BRINP2: variants seen among roughly 807,000 people sequenced by gnomAD.
The protein encoded by BRINP2 is BMP/retinoic acid-inducible neural-specific protein 2.
A neutral mutation model predicts 69.2 loss-of-function variants in BRINP2; 21 were observed. The ratio of observed to expected loss-of-function variants is 0.30; its 90% CI spans 0.22 to 0.44. The LOEUF is 0.44. Among genes scored for constraint, BRINP2 ranks in the 20% least tolerant of loss-of-function variants. BRINP2 has a pLI of 1.00. For synonymous variants in BRINP2, 380 were observed against 394.1 expected (o/e 0.96, Z 0.42); for missense variants, 877 against 986.0 (o/e 0.89, Z 1.48).
intron 1 of BRINP2, among the ~76,000 whole-genome samples, chr1:177,226,373 A>G (rs1280992514): frequency 6.6e-6 from 1 of 152,186 alleles, no homozygotes; most frequent in African/African-American, 2.4e-5. Context: ...GATGTGACTC[A>G]GCTGAGTTAG....
chr1:177,278,772 C>T lies in BRINP2; in HGVS notation c.1222C>T (p.Leu408=). ...KRCHRQPRFR[L]PKERSLSYWW... is the part of the protein sequence containing the mutation. ...CTGCCATCGCCAGCCTCGCTTCCGC[C>T]TGCCCAAGGAGAGGTGAGCACCCCC... Residue 408 remains leucine, a synonymous_variant, in exon 7 of 8, where the codon CTG becomes TTG. Coordinates refer to ENST00000361539, the MANE Select transcript of BRINP2 (RefSeq NM_021165.4). 1 of 1,614,034 alleles carries T rather than the reference C, an allele frequency of 6.2e-7. No individual in the cohort carries two copies. The highest frequency in any genetic ancestry group is 8.5e-7 in the Non-Finnish European group (1 of 1,180,036).
chr1:177,198,689 C>T (rs1648815064), intron 1 of BRINP2, among the ~76,000 whole-genome samples: 1 of 152,184 alleles, frequency 6.6e-6, no homozygotes, highest in African/African-American at 2.4e-5. Flanking sequence ...TTCTTCATCC[C>T]TCATTGTATT....
intron 2 of BRINP2, among the ~76,000 whole-genome samples, chr1:177,245,710 T>C (rs942647225): frequency 1.3e-5 from 2 of 152,174 alleles, no homozygotes; most frequent in Non-Finnish European, 2.9e-5. Context: ...CTTCAAATCC[T>C]TCTGGTCACA....
intron 2 of BRINP2, among the ~76,000 whole-genome samples, chr1:177,241,930 C>A (rs1338492101): frequency 6.6e-6 from 1 of 152,178 alleles, no homozygotes; most frequent in Non-Finnish European, 1.5e-5. Flanking sequence ...GGTTTCTCAT[C>A]CAAGTTCAAA....
chr1:177,227,095 T>C (rs949464176), intron 1 of BRINP2, among the ~76,000 whole-genome samples: 3 of 152,170 alleles, frequency 2.0e-5, no homozygotes, highest in African/African-American at 7.2e-5. Flanking sequence ...TTCAACTGAT[T>C]AGCAACCAGA....
At chr1:177,195,808 A>T (rs1456278895) in intron 1 of BRINP2, among the ~76,000 whole-genome samples, 3 of 152,054 alleles carry the variant, frequency 2.0e-5, no homozygotes, top group African/African-American at 4.8e-5. Context: ...CAAGTCATGG[A>T]TGAATGGCAA....
In BRINP2 at chr1:177,281,447, C is replaced by A. The variant is rs755506490; in HGVS notation, c.2271C>A (p.Gly757=). ...TTAAGCTGGCCAACAATGAGGTGGG[C>A]AGGATCCAGTCCTCCCTGAGGGCTT... ...HRLKLANNEV[G]RIQSSLRAFN... The change falls in exon 8 of 8, where the codon GGC becomes GGA. Residue 757 remains glycine (G), a synonymous_variant. Transcript: ENST00000361539. 1 of 1,613,962 alleles carries A rather than the reference C, an allele frequency of 6.2e-7. No homozygotes were observed. Among genetic ancestry groups the A allele is most frequent in the Non-Finnish European group, 8.5e-7 (1 of 1,180,030 alleles).
intron 1 of BRINP2, among the ~76,000 whole-genome samples, chr1:177,194,791 G>T (rs1014950739): frequency 6.6e-6 from 1 of 152,028 alleles, no homozygotes; most frequent in Non-Finnish European, 1.5e-5. Flanking sequence ...GTGTGTGTGT[G>T]CACATGAGTG....
chr1:177,190,879 A>G (rs1443938641), intron 1 of BRINP2, among the ~76,000 whole-genome samples: 1 of 152,188 alleles, frequency 6.6e-6, no homozygotes, highest in Non-Finnish European at 1.5e-5. Flanking sequence ...TCTTCCTCAT[A>G]GGGTTATGGT....
At chr1:177,261,163 A>G (rs1016465787) in intron 4 of BRINP2, among the ~76,000 whole-genome samples, 1 of 151,986 alleles carries the variant, frequency 6.6e-6, no homozygotes, top group African/African-American at 2.4e-5. Context: ...CAAGAAAGGC[A>G]GTGAGGCTGG....
At chr1:177,210,022 T>C (rs1350859779) in intron 1 of BRINP2, among the ~76,000 whole-genome samples, 2 of 152,158 alleles carry the variant, frequency 1.3e-5, no homozygotes, top group Non-Finnish European at 2.9e-5. Context: ...TTCTGTGGTG[T>C]AGATGTGTGA....
intron 2 of BRINP2, among the ~76,000 whole-genome samples, chr1:177,245,925 G>A (rs1650363061): frequency 6.6e-6 from 1 of 152,104 alleles, no homozygotes; most frequent in Non-Finnish European, 1.5e-5. Context: ...CTGTTTGAAA[G>A]CTGCAGCTTG....
At chr1:177,221,405 G>A (rs1219195825) in intron 1 of BRINP2, among the ~76,000 whole-genome samples, 1 of 152,132 alleles carries the variant, frequency 6.6e-6, no homozygotes, top group Non-Finnish European at 1.5e-5. Context: ...ACAAGCTCTA[G>A]GCTTAGTGTT....
At chr1:177,204,565 C>T (rs978623055) in intron 1 of BRINP2, among the ~76,000 whole-genome samples, 1 of 152,072 alleles carries the variant, frequency 6.6e-6, no homozygotes, top group Admixed American at 6.6e-5. Context: ...GTCAAATGGG[C>T]TTATGCAAGT....
At chr1:177,234,602 G>T (rs1649960536) in intron 2 of BRINP2, among the ~76,000 whole-genome samples, 1 of 152,136 alleles carries the variant, frequency 6.6e-6, no homozygotes, top group South Asian at 2.1e-4. Context: ...AACTCGGAAA[G>T]AATACATTAA....
In BRINP2 at chr1:177,207,561, C is replaced by T. The variant is rs74386449; in HGVS notation, c.-76-22240C>T. Among the ~76,000 whole-genome samples, 449 of 152,156 alleles carry T rather than the reference C, an allele frequency of 3.0e-3. 5 individuals carry two copies. Among genetic ancestry groups the T allele is most frequent in the African/African-American group, 0.01 (434 of 41,506 alleles). On this transcript the variant is annotated intron_variant, in intron 1 of 7. Coordinates refer to ENST00000361539, the MANE Select transcript of BRINP2 (RefSeq NM_021165.4). ...TGGGCTGAGTGGCAAATACATGCCT[C>T]GAATCTGGTCCCAGCTGTACCATTA...
At chr1:177,209,591 G>A (rs1224162443) in intron 1 of BRINP2, among the ~76,000 whole-genome samples, 1 of 152,146 alleles carries the variant, frequency 6.6e-6, no homozygotes, top group African/African-American at 2.4e-5. Context: ...GTTTCTGTTT[G>A]TTTAGACTAA....
At chr1:177,276,494 C>A in intron 6 of BRINP2, 60 bp downstream of exon 6, 2 of 1,489,236 alleles carry the variant, frequency 1.3e-6, no homozygotes, top group Non-Finnish European at 1.9e-6. Context: ...AGAGCAAGAA[C>A]ATGGGGAGAA....
intron 1 of BRINP2, among the ~76,000 whole-genome samples, chr1:177,180,967 G>A (rs531042945): frequency 6.6e-6 from 1 of 152,236 alleles, no homozygotes; most frequent in South Asian, 2.1e-4. Context: ...ATGAATGAGC[G>A]CCTGCTGTGT....
Sources: gnomAD v4.1 joint callset for allele counts (sites outside exome capture counted in the v4.1 genomes callset) on GRCh38, gnomAD v4.1.1 for gene constraint, MANE v1.5 for transcripts, NCBI Gene and HGNC (gene_info 2026-07-23, HGNC 2026-07-21) for gene names.